The following FCMR variants were observed in gnomAD, a reference collection of about 807,000 sequenced individuals.
FCMR encodes immunoglobulin mu Fc receptor.
A neutral mutation model predicts 41.6 loss-of-function variants in FCMR; 34 were observed. That is an observed-to-expected ratio of 0.82 (90% CI 0.62 to 1.09). FCMR has a LOEUF of 1.09. Ranked by LOEUF, FCMR falls within the 50% of genes least tolerant of loss-of-function variation. The pLI is 0.00. For missense variants in FCMR, 496 were observed against 512.5 expected (o/e 0.97, Z 0.31); for synonymous variants, 209 against 211.8 (o/e 0.99, Z 0.12).
At chr1:206,905,830 T>C (rs1456063498) in intron 7 of FCMR, 1 of 162,990 alleles carries the variant, frequency 6.1e-6, no homozygotes, top group African/African-American at 2.4e-5. Context: ...CTGAATATAG[T>C]AGGCATTCAG....
chr1:206,910,879 G>A (rs978856037), intron 4 of FCMR, among the ~76,000 whole-genome samples: 1 of 150,650 alleles, frequency 6.6e-6, no homozygotes, highest in Non-Finnish European at 1.5e-5. Context: ...ATTATGGTAA[G>A]CCAGATTTGT....
chr1:206,919,307 G>A (rs898355956), intron 1 of FCMR, among the ~76,000 whole-genome samples: 15 of 152,284 alleles, frequency 9.9e-5, no homozygotes, highest in African/African-American at 3.4e-4. Flanking sequence ...CTAAAAGAGA[G>A]AGTTTGGGTA....
At chr1:206,915,797 CA>C (rs1173886960) in intron 1 of FCMR, among the ~76,000 whole-genome samples, 1 of 152,112 alleles carries the variant, frequency 6.6e-6, no homozygotes, top group Non-Finnish European at 1.5e-5. Flanking sequence ...GGCGGAGAGA[CA>C]TTTGCAAACG....
At chr1:206,915,519 T>C (rs1679154287) in intron 1 of FCMR, among the ~76,000 whole-genome samples, 1 of 152,132 alleles carries the variant, frequency 6.6e-6, no homozygotes, top group African/African-American at 2.4e-5. Flanking sequence ...ATCCCTGACA[T>C]CATAAAGCTT....
intron 7 of FCMR, chr1:206,907,890 G>C (rs1251540297): frequency 1.6e-6 from 2 of 1,288,098 alleles, no homozygotes; most frequent in African/African-American, 2.9e-5. Flanking sequence ...TGCCCCAAGA[G>C]ACCAAGTGAG....
At chr1:206,910,693 T>C (rs899598582) in intron 4 of FCMR, among the ~76,000 whole-genome samples, 4 of 152,128 alleles carry the variant, frequency 2.6e-5, no homozygotes, top group Non-Finnish European at 5.9e-5. Context: ...TTCAGCACCT[T>C]AGTTTCTTCA....
intron 1 of FCMR, among the ~76,000 whole-genome samples, chr1:206,916,608 C>T (rs73090876): frequency 3.6e-4 from 55 of 152,288 alleles, no homozygotes; most frequent in African/African-American, 1.2e-3. Context: ...CAGTTGTTGG[C>T]GATGTGAAAA....
intron 7 of FCMR, chr1:206,908,042 C>A: frequency 8.2e-7 from 1 of 1,225,620 alleles, no homozygotes; most frequent in Non-Finnish European, 1.2e-6. Context: ...GAGCGCCTGG[C>A]TCACGATGGT....
chr1:206,919,015 C>T (rs189880338), intron 1 of FCMR, among the ~76,000 whole-genome samples: 75 of 152,196 alleles, frequency 4.9e-4, no homozygotes, highest in African/African-American at 1.7e-3. Flanking sequence ...GACTAATGCA[C>T]CCTCCTTGGA....
chr1:206,923,018 G>A (rs1202047334), upstream of FCMR: 2 of 152,198 alleles, frequency 1.3e-5, no homozygotes, highest in African/African-American at 2.4e-5. Flanking sequence ...AGCTGCGCAG[G>A]GGTATTACTT....
At chr1:206,917,955 TC>T in intron 1 of FCMR, 1 of 384,730 alleles carries the variant, frequency 2.6e-6, no homozygotes, top group South Asian at 1.9e-5. Flanking sequence ...GACCTTTGCC[TC>T]CCCTTCACCT....
In FCMR at chr1:206,914,040, C is replaced by T. The variant is rs762438219; in HGVS notation, c.92G>A (p.Gly31Glu). 13 of 1,614,222 alleles carry T rather than the reference C, an allele frequency of 8.1e-6. No homozygotes were observed. The highest frequency in any genetic ancestry group is 1.1e-5 in the Non-Finnish European group (13 of 1,180,048). ...PEVKVEGELG[G>E]SVTIKCPLPE... The stretch of plus-strand genomic sequence containing the variant: ...AAGTGGGCACTTGATGGTAACTGAT[C>T]CGCCCAGCTCCCCCTCTACCTTTAC... Residue 31 changes from glycine (G) to glutamate (E), a missense_variant, in exon 2 of 8, where the codon GGA becomes GAA. Transcript: ENST00000367091.
chr1:206,910,132 G>A, intron 5 of FCMR, 78 bp downstream of exon 5: 3 of 1,413,528 alleles, frequency 2.1e-6, no homozygotes, highest in Non-Finnish European at 1.9e-6. Flanking sequence ...AGTTTCCCAT[G>A]GAAGTTCAAA....
chr1:206,913,805 G>A lies in FCMR; in HGVS notation c.327C>T (p.Asn109=), dbSNP rs1437754630. ...CTTTCTGGGTCTTTCCCCGGTCTGTGTTCATGCCCGCTCCGCAGGCATAGA... is the reference window on the plus strand; with the variant it reads ...CTTTCTGGGTCTTTCCCCGGTCTGTATTCATGCCCGCTCCGCAGGCATAGA... ...SGVYACGAGM[N]TDRGKTQKVT... Residue 109 remains asparagine (N), a synonymous_variant, in exon 2 of 8, where the codon AAC becomes AAT. Transcript: ENST00000367091. 2 of 1,614,112 alleles carry A rather than the reference G, an allele frequency of 1.2e-6. No homozygotes were observed. The highest frequency in any genetic ancestry group is 2.7e-5 in the African/African-American group (2 of 74,930).
Position 206,914,045 on chromosome 1 carries a change from C to T in FCMR, c.87G>A (p.Leu29=), listed in dbSNP as rs1482857051. 4.3e-6 allele frequency: 7 copies of T among 1,614,098 alleles called. No homozygotes were observed. Among genetic ancestry groups the T allele is most frequent in the Non-Finnish European group, 5.9e-6 (7 of 1,180,050 alleles). The stretch of plus-strand genomic sequence containing the variant: ...GGCACTTGATGGTAACTGATCCGCC[C>T]AGCTCCCCCTCTACCTTTACTTCTG... ...ILPEVKVEGE[L]GGSVTIKCPL... Residue 29 remains leucine (L), a synonymous_variant, in exon 2 of 8, where the codon CTG becomes CTA. Transcript: ENST00000367091.
At chr1:206,905,206 A>G in intron 7 of FCMR, 59 bp from the exon 8 acceptor site, 1 of 1,601,826 alleles carries the variant, frequency 6.2e-7, no homozygotes, top group Non-Finnish European at 8.5e-7. Context: ...ATATCTCCCC[A>G]GGTGGATTTT....
chr1:206,920,814 G>A (rs752956153), intron 1 of FCMR, among the ~76,000 whole-genome samples: 1 of 152,206 alleles, frequency 6.6e-6, no homozygotes, highest in African/African-American at 2.4e-5. Flanking sequence ...CATTTCCTCT[G>A]TTACCTTCCT....
upstream of FCMR, among the ~76,000 whole-genome samples, chr1:206,922,860 C>CTTT (rs1322072840): frequency 3.3e-5 from 5 of 152,200 alleles, no homozygotes; most frequent in Admixed American, 1.3e-4. Context: ...ACTGGCTTGG[C>CTTT]ACTTTCTAGC....
At chr1:206,919,186 C>A (rs569298435) in intron 1 of FCMR, among the ~76,000 whole-genome samples, 1 of 152,250 alleles carries the variant, frequency 6.6e-6, no homozygotes, top group Non-Finnish European at 1.5e-5. Flanking sequence ...AATAGCCGCC[C>A]ATGGCCACCT....
Sources: allele counts gnomAD v4.1 joint callset (sites outside exome capture counted in the v4.1 genomes callset), GRCh38; gene constraint gnomAD v4.1.1; transcripts MANE v1.5; gene names NCBI Gene and HGNC (gene_info 2026-07-23, HGNC 2026-07-21).